Variants in BMPR2 observed in about 807,000 individuals in gnomAD.
BMPR2 encodes bone morphogenetic protein receptor type-2.
A neutral mutation model predicts 100.8 loss-of-function variants in BMPR2; 29 were observed. The ratio of observed to expected loss-of-function variants is 0.29; its 90% CI spans 0.21 to 0.39. The LOEUF (loss-of-function observed/expected upper bound fraction) is 0.39, where lower values mean the gene tolerates loss of function less well. BMPR2 is among the 10% of genes least tolerant of loss of function. BMPR2 has a pLI of 1.00. For missense variants in BMPR2, 1,011 were observed against 1,274.5 expected (o/e 0.79, Z 3.15); for synonymous variants, 382 against 442.3 (o/e 0.86, Z 1.71).
intron 3 of BMPR2, chr2:202,469,443 C>A: frequency 7.1e-6 from 2 of 281,204 alleles, no homozygotes; most frequent in Admixed American, 4.0e-5. Context: ...ACAGTATACG[C>A]AAACTGAAAT....
intron 3 of BMPR2, among the ~76,000 whole-genome samples, chr2:202,490,938 T>C (rs1007632199): frequency 6.6e-6 from 1 of 152,142 alleles, no homozygotes; most frequent in Non-Finnish European, 1.5e-5. Flanking sequence ...TTGTTTTTTG[T>C]TTTTTGTTTT....
At chr2:202,449,536 CCTTT>C (rs1691935841) in intron 1 of BMPR2, among the ~76,000 whole-genome samples, 1 of 152,018 alleles carries the variant, frequency 6.6e-6, no homozygotes, top group African/African-American at 2.4e-5. Context: ...TGAATGCCTC[CCTTT>C]CTTCTGGGAA....
In BMPR2 at chr2:202,441,456, G is replaced by A. The variant is rs868193413; in HGVS notation, c.77-23353G>A. Among the ~76,000 whole-genome samples the A allele has an allele frequency of 1.5e-4, 23 of 149,430 alleles. 4 individuals carry two copies. The highest frequency in any genetic ancestry group is 5.6e-4 in the African/African-American group (22 of 39,350). ...GCGGTGGCTCACGCCTGTAATCCCAGCACTTTGGGAGGCCGAGGCGGGTGG... is the reference window on the plus strand; with the variant it reads ...GCGGTGGCTCACGCCTGTAATCCCAACACTTTGGGAGGCCGAGGCGGGTGG... On this transcript the variant is annotated intron_variant, in intron 1 of 12. Transcript: ENST00000374580.
chr2:202,486,528 C>G (rs570465667), intron 3 of BMPR2, among the ~76,000 whole-genome samples: 4 of 147,888 alleles, frequency 2.7e-5, no homozygotes, highest in African/African-American at 1.0e-4. Context: ...GCTACTCAGG[C>G]GGCTACAGCA....
chr2:202,483,392 T>C (rs1479353082), intron 3 of BMPR2, among the ~76,000 whole-genome samples: 5 of 151,990 alleles, frequency 3.3e-5, no homozygotes, highest in Admixed American at 6.6e-5. Context: ...TGTTTTTGTT[T>C]TTTTTTTGAG....
chr2:202,519,037 G>T lies in BMPR2; in HGVS notation c.837G>T (p.Met279Ile). Residue 279 changes from methionine (M) to isoleucine (I), a missense_variant, in exon 6 of 13, where the codon ATG becomes ATT. Transcript: ENST00000374580. ...GACGCATGGAATATTTGCTTGTGAT[G>T]GAGTACTATCCCAATGTAAGTTCTT... ...ADGRMEYLLVMEYYPNGSLCK... is the reference protein window; with the variant it reads ...ADGRMEYLLVIEYYPNGSLCK... 6.2e-7 allele frequency: 1 copy of T among 1,613,842 alleles called. No individual in the cohort carries two copies. The highest frequency in any genetic ancestry group is 8.5e-7 in the Non-Finnish European group (1 of 1,179,836).
chr2:202,434,937 T>TATA (rs1559037520), intron 1 of BMPR2, among the ~76,000 whole-genome samples: 20 of 97,434 alleles, frequency 2.1e-4, no homozygotes, highest in African/African-American at 3.3e-4. Context: ...ATATATATAT[T>TATA]TATTTATTTA....
rs112369090 is a variant in BMPR2, at chr2:202,518,116, G to A, written c.622-706G>A. Among the ~76,000 whole-genome samples, 757 of 123,750 alleles carry A rather than the reference G, an allele frequency of 6.1e-3. 12 individuals are homozygous for A. The highest frequency in any genetic ancestry group is 0.022 in the African/African-American group (710 of 32,416). 81.2% of individuals were successfully genotyped at this position (123,750 alleles called of 152,430 possible). A position where few individuals can be genotyped will look rare whatever the true frequency, so the allele number is the denominator to read the frequency against. ...GCTGGGATTACAGGCGTGAGCCACC[G>A]CGCCTGGCCTCTTTTTTTTTTTTTT... On this transcript the variant is annotated intron_variant, in intron 5 of 12. Transcript: ENST00000374580.
intron 3 of BMPR2, among the ~76,000 whole-genome samples, chr2:202,498,932 C>A (rs1012359467): frequency 1.3e-5 from 2 of 152,132 alleles, no homozygotes; most frequent in Non-Finnish European, 2.9e-5. Context: ...CAATTTACAT[C>A]CCACAGGAGG....
rs1436082974 is a variant in BMPR2 at position 202,496,532 on chromosome 2, G to T, written c.419-17187G>T. 2.0e-5 allele frequency among the ~76,000 whole-genome samples: 3 copies of T among 152,232 alleles called. No homozygotes were observed. The East Asian group carries it at 5.8e-4, about 29-fold the overall frequency. ...CAAATTAAATAATTGTTATGAAGTT[G>T]AACTTCTAAAACTTGTTCACTGAAA... is the stretch of plus-strand genomic sequence containing the variant. On this transcript the variant is annotated intron_variant, in intron 3 of 12. Transcript: ENST00000374580.
At chr2:202,408,176 A>G (rs1690943294) in intron 1 of BMPR2, among the ~76,000 whole-genome samples, 1 of 152,224 alleles carries the variant, frequency 6.6e-6, no homozygotes, top group Non-Finnish European at 1.5e-5. Flanking sequence ...GAGAAAAACC[A>G]AATCTGTTTG....
chr2:202,558,600 T>C (rs1419635397), intron 12 of BMPR2, among the ~76,000 whole-genome samples: 2 of 151,990 alleles, frequency 1.3e-5, no homozygotes, highest in South Asian at 2.1e-4. Context: ...CAGTAAGACA[T>C]CGTGTCAGAT....
In BMPR2 at chr2:202,561,693, C is replaced by T. The variant is rs1045856332; in HGVS notation, c.*1747C>T. On this transcript the variant is annotated 3_prime_UTR_variant, in exon 13 of 13. Coordinates refer to ENST00000374580, the MANE Select transcript of BMPR2 (RefSeq NM_001204.7). ...TTTTATCTCCTGAACAATATTTTCT[C>T]ACTCATATTCCTCTATCTTATCACT... The T allele has an allele frequency of 2.6e-5, 4 of 152,224 alleles. No individual in the cohort carries two copies. In the East Asian group the frequency reaches 5.8e-4, roughly 22 times the overall value. The allele number at this position is 152,224 out of a possible 1,614,324, so 9.4% of individuals were successfully genotyped here.
Position 202,560,271 on chromosome 2 carries a change from T to C in BMPR2, c.*325T>C. ...AAGAAAAAAAGCAAAAACAATGTAT[T>C]GCTGATAATCAGTTTGGACCAGTTT... On this transcript the variant is annotated 3_prime_UTR_variant, in exon 13 of 13. Transcript: ENST00000374580. 6.1e-6 allele frequency: 2 copies of C among 327,660 alleles called. No homozygotes were observed. The highest frequency in any genetic ancestry group is 6.1e-5 in the South Asian group (2 of 32,962). 20.3% of individuals were successfully genotyped at this position (327,660 alleles called of 1,614,324 possible).
chr2:202,557,338 C>T (rs1688593706), intron 12 of BMPR2, among the ~76,000 whole-genome samples: 1 of 152,096 alleles, frequency 6.6e-6, no homozygotes, highest in Non-Finnish European at 1.5e-5. Context: ...GTGGTGGGCA[C>T]CTGTAATCCC....
At chr2:202,509,572 ATCTT>A (rs1358838667) in intron 3 of BMPR2, among the ~76,000 whole-genome samples, 1 of 151,824 alleles carries the variant, frequency 6.6e-6, no homozygotes, top group African/African-American at 2.4e-5. Flanking sequence ...TAGTGGAAAA[ATCTT>A]TATTATTAAA....
At chr2:202,482,609 G>T (rs1038688810) in intron 3 of BMPR2, among the ~76,000 whole-genome samples, 5 of 151,090 alleles carry the variant, frequency 3.3e-5, no homozygotes, top group Non-Finnish European at 7.4e-5. Context: ...CACGATCTCG[G>T]CTCACTGCAA....
chr2:202,469,132 G>A (rs998093839), intron 3 of BMPR2, among the ~76,000 whole-genome samples: 1 of 152,176 alleles, frequency 6.6e-6, no homozygotes, highest in African/African-American at 2.4e-5. Flanking sequence ...CCAGGTTCAA[G>A]CGATTCTCCT....
intron 1 of BMPR2, among the ~76,000 whole-genome samples, chr2:202,442,188 C>G (rs1439018154): frequency 6.6e-6 from 1 of 150,448 alleles, no homozygotes; most frequent in Non-Finnish European, 1.5e-5. Context: ...TGATCTTTTA[C>G]TTTATAGCTT....
Sources: gnomAD v4.1 joint callset for allele counts (sites outside exome capture counted in the v4.1 genomes callset) on GRCh38, gnomAD v4.1.1 for gene constraint, MANE v1.5 for transcripts, NCBI Gene and HGNC (gene_info 2026-07-23, HGNC 2026-07-21) for gene names.